Variants in CHST9 observed in about 807,000 individuals in gnomAD.
CHST9 encodes the protein GalNAc-4-sulfotransferase 2.
CHST9 carries 41 observed loss-of-function variants against 44.4 expected under a neutral mutation model. The ratio of observed to expected loss-of-function variants is 0.92; its 90% confidence interval spans 0.72 to 1.20. CHST9 has a LOEUF of 1.20. CHST9 is among the 50% of genes most tolerant of loss of function. The pLI is 0.00. For missense variants in CHST9, 504 were observed against 516.5 expected, an observed-to-expected ratio of 0.98 and a Z score of 0.23; for synonymous variants, 171 against 178.4, an observed-to-expected ratio of 0.96 and a Z score of 0.33.
intron 1 of CHST9, among the ~76,000 whole-genome samples, chr18:27,177,544 T>TAAAC (rs2058878195): frequency 6.6e-6 from 1 of 152,040 alleles, no homozygotes; most frequent in Admixed American, 6.6e-5. Context: ...AAGTATCGTT[T>TAAAC]CTTCATTTGA....
intron 1 of CHST9, among the ~76,000 whole-genome samples, chr18:27,171,117 G>T (rs1242790223): frequency 6.6e-6 from 1 of 152,180 alleles, no homozygotes; most frequent in Admixed American, 6.5e-5. Flanking sequence ...CAACTTGAGG[G>T]TAAGTGAAAT....
At chr18:26,969,148 G>A (rs1235501807) in intron 4 of CHST9, among the ~76,000 whole-genome samples, 5 of 151,902 alleles carry the variant, frequency 3.3e-5, no homozygotes, top group Admixed American at 6.6e-5. Context: ...ACAGGCGCCC[G>A]CCACCGTGCC....
At chr18:27,121,285 A>G (rs2058372295) in intron 2 of CHST9, among the ~76,000 whole-genome samples, 1 of 152,128 alleles carries the variant, frequency 6.6e-6, no homozygotes, top group African/African-American at 2.4e-5. Flanking sequence ...GATTCCAGGC[A>G]TGAGTCACCA....
chr18:27,011,840 T>G (rs530730030), intron 4 of CHST9, among the ~76,000 whole-genome samples: 151 of 152,352 alleles, frequency 9.9e-4, no homozygotes, highest in African/African-American at 3.6e-3. Flanking sequence ...TCAGGAGAGT[T>G]CCCACAAGGC....
chr18:27,078,101 G>A (rs2057923795), intron 2 of CHST9, among the ~76,000 whole-genome samples: 1 of 152,126 alleles, frequency 6.6e-6, no homozygotes, highest in Non-Finnish European at 1.5e-5. Context: ...CTCCAACACT[G>A]AGAATTACAA....
intron 1 of CHST9, among the ~76,000 whole-genome samples, chr18:27,146,795 C>T (rs1000498113): frequency 2.6e-5 from 4 of 152,106 alleles, no homozygotes; most frequent in African/African-American, 7.2e-5. Flanking sequence ...AATGAAGAAA[C>T]ATGGAGAAAT....
At chr18:27,009,725 G>T (rs559789015) in intron 4 of CHST9, among the ~76,000 whole-genome samples, 2 of 152,298 alleles carry the variant, frequency 1.3e-5, no homozygotes, top group South Asian at 4.1e-4. Context: ...CTGTTGAAAA[G>T]GGTACCATCA....
In CHST9 at chr18:27,152,945, C is replaced by T. The variant is rs374465021; in HGVS notation, c.-96-10040G>A. On this transcript the variant is annotated intron_variant, in intron 1 of 5. Coordinates refer to ENST00000618847, the MANE Select transcript of CHST9 (RefSeq NM_031422.6). ...AATGAGATGATCAAGTTTTAGTTGT[C>T]GTAATTAATCATGTAAACTAAGAAG... Among the ~76,000 whole-genome samples, 10 of 151,952 alleles carry T rather than the reference C, an allele frequency of 6.6e-5. No homozygotes were observed. In the East Asian group the frequency reaches 1.2e-3, roughly 18 times the overall value.
chr18:27,051,130 A>G (rs2143570723), intron 2 of CHST9, among the ~76,000 whole-genome samples: 1 of 152,310 alleles, frequency 6.6e-6, no homozygotes, highest in African/African-American at 2.4e-5. Context: ...TGTGGCTTCC[A>G]GTTTGGGTGT....
intron 5 of CHST9, among the ~76,000 whole-genome samples, chr18:26,939,734 G>A (rs565659654): frequency 7.9e-5 from 12 of 152,250 alleles, no homozygotes; most frequent in East Asian, 3.9e-4. Flanking sequence ...GGAACTTCAC[G>A]GGGGAAACAG....
At chr18:26,989,996 G>A (rs910190316) in intron 4 of CHST9, among the ~76,000 whole-genome samples, 2 of 151,776 alleles carry the variant, frequency 1.3e-5, no homozygotes, top group African/African-American at 2.4e-5. Flanking sequence ...AAAGAAAAAA[G>A]TTCATCAACA....
chr18:26,947,257 A>C (rs906841120), intron 4 of CHST9, among the ~76,000 whole-genome samples: 4 of 152,146 alleles, frequency 2.6e-5, no homozygotes, highest in African/African-American at 9.7e-5. Flanking sequence ...TTGTATGCCT[A>C]GGTATTTTAT....
At chr18:26,942,472 T>A (rs1032720508) in intron 5 of CHST9, among the ~76,000 whole-genome samples, 1 of 152,232 alleles carries the variant, frequency 6.6e-6, no homozygotes, top group Non-Finnish European at 1.5e-5. Flanking sequence ...TTATATGGCA[T>A]CAGATCAATA....
chr18:26,994,322 A>G (rs942563145), intron 4 of CHST9, among the ~76,000 whole-genome samples: 3 of 152,204 alleles, frequency 2.0e-5, no homozygotes, highest in African/African-American at 4.8e-5. Context: ...TCTGAGGGCT[A>G]AAGTGACCTA....
chr18:27,114,201 T>A (rs977112280), intron 2 of CHST9, among the ~76,000 whole-genome samples: 1 of 152,194 alleles, frequency 6.6e-6, no homozygotes, highest in Non-Finnish European at 1.5e-5. Flanking sequence ...TGTTTGAGGA[T>A]TATGACCCAA....
intron 1 of CHST9, among the ~76,000 whole-genome samples, chr18:27,152,744 A>G (rs1431433543): frequency 2.0e-5 from 3 of 152,098 alleles, no homozygotes; most frequent in African/African-American, 7.2e-5. Flanking sequence ...ATAGAGATAG[A>G]AGATTTTAAA....
intron 1 of CHST9, among the ~76,000 whole-genome samples, chr18:27,160,304 G>A (rs937352751): frequency 6.6e-6 from 1 of 152,168 alleles, no homozygotes; most frequent in African/African-American, 2.4e-5. Flanking sequence ...AATTTATTGA[G>A]AGTTTTTAGC....
intron 4 of CHST9, among the ~76,000 whole-genome samples, chr18:26,945,073 G>A (rs2056142423): frequency 6.6e-6 from 1 of 152,008 alleles, no homozygotes; most frequent in Non-Finnish European, 1.5e-5. Context: ...ATCCTTAGTA[G>A]TAATAAATAA....
In CHST9 at chr18:27,180,103, C is replaced by T. The variant is rs556933281; in HGVS notation, c.-97+5033G>A. 3.3e-5 allele frequency among the ~76,000 whole-genome samples: 5 copies of T among 152,176 alleles called. No individual in the cohort carries two copies. The South Asian group carries it at 1.0e-3, about 32-fold the overall frequency. On this transcript the variant is annotated intron_variant, in intron 1 of 5. Transcript: ENST00000618847. ...CCCTATACCATTAACTTTCTTCTTC[C>T]GGTTTTCATCTACAAATAAGTCTGG...
Sources: gnomAD v4.1 joint callset for allele counts (sites outside exome capture counted in the v4.1 genomes callset) on GRCh38, gnomAD v4.1.1 for gene constraint, MANE v1.5 for transcripts, NCBI Gene and HGNC (gene_info 2026-07-23, HGNC 2026-07-21) for gene names.